NTF3: variants seen among roughly 807,000 people sequenced by gnomAD.
NTF3 encodes the protein neurotrophin 3.
Under a neutral mutation model 26.3 loss-of-function variants are expected in NTF3, and 8 were observed. The ratio of observed to expected loss-of-function variants is 0.30; its 90% CI spans 0.18 to 0.55. The LOEUF is 0.55. Among genes scored for constraint, NTF3 ranks in the 20% least tolerant of loss-of-function variants. The probability of loss-of-function intolerance (pLI) is 0.93; values close to 1 mark genes in which losing one functional copy is unlikely to be tolerated. For missense variants in NTF3, 276 were observed against 352.9 expected, an observed-to-expected ratio of 0.78 and a Z score of 1.75; for synonymous variants, 154 against 145.5, an observed-to-expected ratio of 1.06 and a Z score of -0.42.
In NTF3 at chr12:5,447,046, C is replaced by T. The variant is rs540643204; in HGVS notation, c.18+14704C>T. Among the ~76,000 whole-genome samples the T allele has an allele frequency of 2.6e-5, 4 of 152,228 alleles. No individual in the cohort carries two copies. In the East Asian group the frequency reaches 5.8e-4, roughly 22 times the overall value. ...TGTACATCACAGAGACAAGCCCTGC[C>T]GAGAGCAGTGGAAGCAGGAAAACAC... On this transcript the variant is annotated intron_variant, in intron 1 of 1. Transcript: ENST00000423158.
intron 1 of NTF3, among the ~76,000 whole-genome samples, chr12:5,490,711 G>A (rs532020096): frequency 5.3e-5 from 8 of 152,306 alleles, no homozygotes; most frequent in African/African-American, 1.9e-4. Flanking sequence ...GTTTGCTTTC[G>A]TCATTTGTCT....
intron 1 of NTF3, among the ~76,000 whole-genome samples, chr12:5,491,713 CTTCT>C (rs1400735472): frequency 8.0e-6 from 1 of 125,076 alleles, no homozygotes; most frequent in Non-Finnish European, 1.7e-5. Flanking sequence ...GGTCTCTCCT[CTTCT>C]TTTTTTTTTT....
intron 1 of NTF3, among the ~76,000 whole-genome samples, chr12:5,441,369 G>A (rs1035333590): frequency 2.6e-5 from 4 of 152,190 alleles, no homozygotes; most frequent in Non-Finnish European, 5.9e-5. Flanking sequence ...CAAGTGATAC[G>A]TTTATTCTTG....
At chr12:5,485,985 C>A (rs1940861694) in intron 1 of NTF3, among the ~76,000 whole-genome samples, 1 of 152,178 alleles carries the variant, frequency 6.6e-6, no homozygotes, top group Non-Finnish European at 1.5e-5. Context: ...ACAGTCCCAG[C>A]TGTCAGTCTT....
At chr12:5,457,056 G>C (rs748770000) in intron 1 of NTF3, among the ~76,000 whole-genome samples, 1 of 152,180 alleles carries the variant, frequency 6.6e-6, no homozygotes. Flanking sequence ...ATAACATCTC[G>C]CTCCTTTTGC....
In NTF3 at chr12:5,433,347, G is replaced by A. The variant is rs982114081; in HGVS notation, c.18+1005G>A. 6.6e-6 allele frequency: 1 copy of A among 152,494 alleles called. No individual in the cohort carries two copies. The highest frequency in any genetic ancestry group is 1.5e-5 in the Non-Finnish European group (1 of 68,266). The allele number at this position is 152,494 out of a possible 1,614,324, so 9.4% of individuals were successfully genotyped here. On this transcript the variant is annotated intron_variant, in intron 1 of 1. Transcript: ENST00000423158. This position sits in a 1 kb window ranked among gnomAD's most constrained non-coding sequence, Gnocchi z 4.6. ...CAGCCAGCCAGGTCGGAGTTTAAAG[G>A]TCCCACGACGGACCGAACTGTCCCA... is the stretch of plus-strand genomic sequence containing the variant.
At chr12:5,452,988 A>C (rs1273874394) in intron 1 of NTF3, among the ~76,000 whole-genome samples, 1 of 152,070 alleles carries the variant, frequency 6.6e-6, no homozygotes, top group Non-Finnish European at 1.5e-5. Context: ...CAGCTCCATC[A>C]CTTGCTGGCC....
chr12:5,476,005 T>C (rs144020190), intron 1 of NTF3, among the ~76,000 whole-genome samples: 2 of 152,110 alleles, frequency 1.3e-5, no homozygotes, highest in Non-Finnish European at 2.9e-5. Flanking sequence ...GAGGCCCTGA[T>C]GGAAGAAGGT....
intron 1 of NTF3, among the ~76,000 whole-genome samples, chr12:5,439,004 A>G (rs763891749): frequency 6.6e-6 from 1 of 152,202 alleles, no homozygotes; most frequent in Non-Finnish European, 1.5e-5. Flanking sequence ...AAGCGTGCAA[A>G]AAATTTGCCA....
At chr12:5,443,594 A>G (rs923635562) in intron 1 of NTF3, among the ~76,000 whole-genome samples, 1 of 152,194 alleles carries the variant, frequency 6.6e-6, no homozygotes, top group Non-Finnish European at 1.5e-5. Flanking sequence ...AAGAAATTGT[A>G]TTAGTATTCT....
At chr12:5,492,533 T>G (rs1940950416) in intron 1 of NTF3, among the ~76,000 whole-genome samples, 1 of 152,146 alleles carries the variant, frequency 6.6e-6, no homozygotes, top group African/African-American at 2.4e-5. Flanking sequence ...AGGAGGGAGA[T>G]TCCTTATGCT....
chr12:5,442,911 G>A (rs1024513033), intron 1 of NTF3, among the ~76,000 whole-genome samples: 1 of 152,176 alleles, frequency 6.6e-6, no homozygotes, highest in African/African-American at 2.4e-5. Context: ...GTCTACTTGC[G>A]AATACAGTGT....
rs77226953 is a variant in NTF3 at position 5,473,063 on chromosome 12, C to T, written c.19-21131C>T. 8.7e-3 allele frequency among the ~76,000 whole-genome samples: 1,330 copies of T among 152,256 alleles called. 10 individuals are homozygous for T. The highest frequency in any genetic ancestry group is 0.029 in the African/African-American group (1,212 of 41,536). ...TTTAGTTCAAAAACAGCTCCTGGCC[C>T]GTCTCTAAATGGTCTTGCTAAAAAC... On this transcript the variant is annotated intron_variant, in intron 1 of 1. Transcript: ENST00000423158.
rs147438215 is a variant in NTF3, at chr12:5,453,366, C to A, written c.18+21024C>A. 2.6e-3 allele frequency among the ~76,000 whole-genome samples: 403 copies of A among 152,296 alleles called. 2 individuals carry two copies. Among genetic ancestry groups the A allele is most frequent in the African/African-American group, 9.5e-3 (394 of 41,558 alleles). On this transcript the variant is annotated intron_variant, in intron 1 of 1. Coordinates refer to ENST00000423158, the MANE Select transcript of NTF3 (RefSeq NM_001102654.2). ...CTTCAGTGTTTCCTACCCCTCCTGCCTCCCCTTCCCTAAGAATATTGCTGT... is the reference window on the plus strand; with the variant it reads ...CTTCAGTGTTTCCTACCCCTCCTGCATCCCCTTCCCTAAGAATATTGCTGT...
At chr12:5,458,712 C>T (rs1940485585) in intron 1 of NTF3, among the ~76,000 whole-genome samples, 1 of 152,214 alleles carries the variant, frequency 6.6e-6, no homozygotes, top group African/African-American at 2.4e-5. Flanking sequence ...GCCACGCAAC[C>T]AGGCAAAAAG....
At chr12:5,472,837 G>C (rs1460011685) in intron 1 of NTF3, among the ~76,000 whole-genome samples, 5 of 152,268 alleles carry the variant, frequency 3.3e-5, no homozygotes, top group African/African-American at 1.2e-4. Context: ...TTTTTGCATT[G>C]ATCTAGGGAA....
chr12:5,443,357 T>C (rs1299665603), intron 1 of NTF3, among the ~76,000 whole-genome samples: 2 of 152,142 alleles, frequency 1.3e-5, no homozygotes, highest in African/African-American at 2.4e-5. Context: ...ATAGAGTCAA[T>C]TGGATCCCAT....
At position 5,441,724 on chromosome 12, in the gene NTF3, G is replaced by A. The variant is rs946063056; in HGVS notation, c.18+9382G>A. Reference sequence around the variant, plus strand: ...TTGTGAGCTCAGAATGTGCAGCAGCGATTTGACAGTGCCAGGAACTTGGCT... The same window carrying A: ...TTGTGAGCTCAGAATGTGCAGCAGCAATTTGACAGTGCCAGGAACTTGGCT... On this transcript the variant is annotated intron_variant, in intron 1 of 1. Transcript: ENST00000423158. 2.0e-5 allele frequency among the ~76,000 whole-genome samples: 3 copies of A among 152,208 alleles called. No homozygotes were observed. In the South Asian group the frequency reaches 6.2e-4, roughly 32 times the overall value.
chr12:5,467,386 T>C (rs1220277609), intron 1 of NTF3, among the ~76,000 whole-genome samples: 1 of 152,130 alleles, frequency 6.6e-6, no homozygotes, highest in East Asian at 1.9e-4. Flanking sequence ...GGAATGATAG[T>C]ATTGCATTAA....
Sources: allele counts gnomAD v4.1 joint callset (sites outside exome capture counted in the v4.1 genomes callset), GRCh38; gene constraint gnomAD v4.1.1; non-coding constraint Gnocchi (gnomAD v3.1); transcripts MANE v1.5; gene names NCBI Gene and HGNC (gene_info 2026-07-23, HGNC 2026-07-21).